Variants in SGCD observed in about 807,000 individuals in gnomAD.
SGCD encodes the protein delta-sarcoglycan.
In SGCD, 18 loss-of-function variants were observed where a neutral mutation model predicts 36.6. The ratio of observed to expected loss-of-function variants is 0.49; its 90% CI spans 0.34 to 0.73. The LOEUF is 0.73. Among genes scored for constraint, SGCD ranks in the 30% least tolerant of loss-of-function variants. SGCD has a pLI of 0.01. For synonymous variants in SGCD, 133 were observed against 130.6 expected (o/e 1.02, Z -0.12); for missense variants, 387 against 346.7 (o/e 1.12, Z -0.92).
chr5:156,462,424 T>C (rs994656477), intron 3 of SGCD, among the ~76,000 whole-genome samples: 1 of 152,200 alleles, frequency 6.6e-6, no homozygotes, highest in Non-Finnish European at 1.5e-5. Flanking sequence ...GAGATATTTC[T>C]TAGTTTAATA....
At chr5:155,928,015 G>A (rs1456919809) in intron 1 of SGCD, among the ~76,000 whole-genome samples, 5 of 152,174 alleles carry the variant, frequency 3.3e-5, no homozygotes, top group African/African-American at 4.8e-5. Flanking sequence ...ATGGGAAAAC[G>A]TGTCAGGTCT....
At chr5:155,931,745 G>A (rs917731135) in intron 1 of SGCD, among the ~76,000 whole-genome samples, 4 of 152,132 alleles carry the variant, frequency 2.6e-5, no homozygotes, top group Admixed American at 6.6e-5. Flanking sequence ...GCCCGAGTTC[G>A]GATTTGCTTT....
At chr5:155,835,160 C>T in the SGCD span, among the ~76,000 whole-genome samples, 1 of 151,606 alleles carries the variant, frequency 6.6e-6, no homozygotes, top group African/African-American at 2.4e-5. Flanking sequence ...AGGCGCCCAC[C>T]ACCATGCCTG....
intron 3 of SGCD, among the ~76,000 whole-genome samples, chr5:156,142,674 T>C (rs570139182): frequency 6.6e-6 from 1 of 152,224 alleles, no homozygotes. Flanking sequence ...CCTTGGGATC[T>C]GTGGAACTTT....
chr5:156,265,720 C>T (rs533351906), intron 3 of SGCD, among the ~76,000 whole-genome samples: 4 of 151,570 alleles, frequency 2.6e-5, no homozygotes, highest in African/African-American at 4.8e-5. Flanking sequence ...GTGATCTTTC[C>T]ATGTGGGCCC....
At chr5:156,278,906 G>A (rs564446681) in intron 3 of SGCD, among the ~76,000 whole-genome samples, 3 of 152,076 alleles carry the variant, frequency 2.0e-5, no homozygotes, top group Admixed American at 2.0e-4. Flanking sequence ...TCTATTCCAG[G>A]TATAAATTAG....
intron 7 of SGCD, among the ~76,000 whole-genome samples, chr5:156,746,991 A>G (rs1236398063): frequency 6.6e-6 from 1 of 152,184 alleles, no homozygotes; most frequent in African/African-American, 2.4e-5. Context: ...TACTTAGGAT[A>G]TATACAAAGT....
chr5:156,651,283 G>C (rs928352031), intron 7 of SGCD, among the ~76,000 whole-genome samples: 5 of 152,146 alleles, frequency 3.3e-5, no homozygotes, highest in African/African-American at 1.2e-4. Flanking sequence ...TTCTTTTGCT[G>C]TGCAGAACCT....
chr5:156,241,752 C>CT (rs1765312114), intron 3 of SGCD, among the ~76,000 whole-genome samples: 3 of 152,336 alleles, frequency 2.0e-5, no homozygotes, highest in African/African-American at 4.8e-5. Context: ...GGAGCGACTA[C>CT]TTGATGCCAA....
intron 4 of SGCD, among the ~76,000 whole-genome samples, chr5:156,528,444 C>A (rs1196228175): frequency 6.6e-6 from 1 of 152,054 alleles, no homozygotes; most frequent in Non-Finnish European, 1.5e-5. Context: ...TAGTTCCTGT[C>A]ACATGATAGG....
intron 1 of SGCD, among the ~76,000 whole-genome samples, chr5:156,084,339 C>G (rs1440583322): frequency 6.6e-6 from 1 of 152,118 alleles, no homozygotes; most frequent in African/African-American, 2.4e-5. Context: ...CACAGTATTT[C>G]ATTTTCTTAT....
At chr5:155,799,119 G>A in the SGCD span, among the ~76,000 whole-genome samples, 2 of 152,042 alleles carry the variant, frequency 1.3e-5, no homozygotes, top group South Asian at 4.2e-4. Context: ...AATACTTGTT[G>A]GTATACTTTT....
intron 4 of SGCD, among the ~76,000 whole-genome samples, chr5:156,512,449 T>G (rs1284423140): frequency 6.6e-6 from 1 of 152,166 alleles, no homozygotes; most frequent in Admixed American, 6.6e-5. Context: ...GAATAGGCCA[T>G]GCCATACAGC....
intron 5 of SGCD, among the ~76,000 whole-genome samples, chr5:156,591,534 A>C (rs1760722348): frequency 2.0e-5 from 3 of 152,148 alleles, no homozygotes; most frequent in Admixed American, 2.0e-4. Context: ...TTCTAGTGTT[A>C]AGAGAGTTGG....
intron 7 of SGCD, among the ~76,000 whole-genome samples, chr5:156,704,499 C>A (rs1271202079): frequency 6.6e-6 from 1 of 151,960 alleles, no homozygotes; most frequent in East Asian, 1.9e-4. Context: ...AGGTGGAGCC[C>A]CACAGAAATT....
At chr5:155,861,821 GA>G in the SGCD span, among the ~76,000 whole-genome samples, 1 of 152,192 alleles carries the variant, frequency 6.6e-6, no homozygotes, top group Non-Finnish European at 1.5e-5. Context: ...AAAGATCTGA[GA>G]ACTAGAAGAT....
At chr5:156,621,613 A>C (rs1315860852) in intron 6 of SGCD, among the ~76,000 whole-genome samples, 1 of 152,240 alleles carries the variant, frequency 6.6e-6, no homozygotes, top group Non-Finnish European at 1.5e-5. Context: ...AAGTAAGGGA[A>C]GCCTACCTGA....
At chr5:156,673,048 T>C (rs538618522) in intron 7 of SGCD, among the ~76,000 whole-genome samples, 2 of 152,336 alleles carry the variant, frequency 1.3e-5, no homozygotes, top group East Asian at 3.9e-4. Context: ...TTTGGATTCA[T>C]TGACTGAAAT....
At chr5:156,128,054 G>A (rs1762223590) in intron 3 of SGCD, among the ~76,000 whole-genome samples, 2 of 150,474 alleles carry the variant, frequency 1.3e-5, no homozygotes, top group Non-Finnish European at 3.0e-5. Flanking sequence ...ATAAAGAGAT[G>A]GACCACAGAC....
Sources: gnomAD v4.1 joint callset for allele counts (sites outside exome capture counted in the v4.1 genomes callset) on GRCh38, gnomAD v4.1.1 for gene constraint, MANE v1.5 for transcripts, NCBI Gene and HGNC (gene_info 2026-07-23, HGNC 2026-07-21) for gene names.